The following PRAMEF11 variants were observed in gnomAD, a reference collection of about 807,000 sequenced individuals.
PRAMEF11 encodes the protein PRAME family member 11.
PRAMEF11 carries 17 observed loss-of-function variants against 33.6 expected under a neutral mutation model. The observed-to-expected ratio is 0.51, with a 90% CI of 0.35 to 0.76. The LOEUF (loss-of-function observed/expected upper bound fraction) is 0.76, where lower values mean the gene tolerates loss of function less well. PRAMEF11 is among the 30% of genes least tolerant of loss of function. PRAMEF11 has a pLI of 0.01. For synonymous variants in PRAMEF11, 205 were observed against 227.3 expected, an observed-to-expected ratio of 0.90 and a Z score of 0.88; for missense variants, 568 against 567.0, an observed-to-expected ratio of 1.00 and a Z score of -0.02.
intron 1 of PRAMEF11, among the ~76,000 whole-genome samples, chr1:12,830,483 G>C (rs146638913): frequency 1.3e-5 from 2 of 150,912 alleles, no homozygotes; most frequent in Non-Finnish European, 3.0e-5. Flanking sequence ...GATGTGATTG[G>C]TTTAAAATTA....
intron 3 of PRAMEF11, among the ~76,000 whole-genome samples, chr1:12,825,848 C>T (rs1341853805): frequency 2.7e-5 from 4 of 150,560 alleles, no homozygotes; most frequent in Admixed American, 1.3e-4. Context: ...GTGGCGGGAG[C>T]CTGCAATTCC....
intron 1 of PRAMEF11, among the ~76,000 whole-genome samples, chr1:12,829,744 C>G (rs1376058207): frequency 2.0e-5 from 3 of 150,960 alleles, no homozygotes; most frequent in African/African-American, 2.4e-5. Context: ...GCAGTGGTCT[C>G]CGCCTGTAGT....
chr1:12,828,442 G>C (rs1188241531), intron 2 of PRAMEF11, 55 bp downstream of exon 2: 20 of 1,550,168 alleles, frequency 1.3e-5, no homozygotes, highest in African/African-American at 2.8e-5. Context: ...TGACCCAGCT[G>C]TTCCTTCAGT....
chr1:12,827,096 C>T (rs1218671767), intron 3 of PRAMEF11, among the ~76,000 whole-genome samples, 153 bp downstream of exon 3: 1 of 151,440 alleles, frequency 6.6e-6, no homozygotes, highest in Non-Finnish European at 1.5e-5. Context: ...ATACCCATTT[C>T]AGGACAGGGC....
chr1:12,828,927 A>T lies in PRAMEF11; in HGVS notation c.-16-122T>A. The T allele has an allele frequency of 2.1e-6, 3 of 1,405,418 alleles. No homozygotes were observed. In the South Asian group the frequency reaches 3.9e-5, roughly 18 times the overall value. 87.1% of individuals were successfully genotyped at this position (1,405,418 alleles called of 1,614,324 possible). On this transcript the variant is annotated intron_variant, in intron 1 of 3. Coordinates refer to ENST00000619922, the MANE Select transcript of PRAMEF11 (RefSeq NM_001146344.3). Reference sequence around the variant, plus strand: ...GTGAAACAGCCCTCAGTTTACTCCAATTCTACTCTGTACTCAGTGGCCATT... The same window carrying T: ...GTGAAACAGCCCTCAGTTTACTCCATTTCTACTCTGTACTCAGTGGCCATT...
intron 1 of PRAMEF11, among the ~76,000 whole-genome samples, chr1:12,830,185 C>A (rs1374359448): frequency 6.6e-6 from 1 of 151,346 alleles, no homozygotes; most frequent in African/African-American, 2.4e-5. Context: ...TCAAATTTAT[C>A]AAAATATTTC....
At position 12,824,934 on chromosome 1, in the gene PRAMEF11, G is replaced by A; in HGVS notation, c.*8C>T. The A allele has an allele frequency of 2.5e-6, 4 of 1,608,504 alleles. No individual in the cohort carries two copies. Among genetic ancestry groups the A allele is most frequent in the Non-Finnish European group, 3.4e-6 (4 of 1,177,452 alleles). On this transcript the variant is annotated 3_prime_UTR_variant, in exon 4 of 4. Coordinates refer to ENST00000619922, the MANE Select transcript of PRAMEF11 (RefSeq NM_001146344.3). ...GCGTTTGACATACCCATCCAAATAG[G>A]CAGGCATTCAACAGCAGTATTGATC...
chr1:12,828,015 TC>T, intron 2 of PRAMEF11, among the ~76,000 whole-genome samples, 185 bp from the exon 3 acceptor site: 1 of 149,658 alleles, frequency 6.7e-6, no homozygotes, highest in East Asian at 2.0e-4. Context: ...AGACCAAGTC[TC>T]CTTCTGTCGC....
At chr1:12,830,830 A>T (rs1419073154) in intron 1 of PRAMEF11, among the ~76,000 whole-genome samples, 2 of 150,730 alleles carry the variant, frequency 1.3e-5, no homozygotes, top group East Asian at 3.9e-4. Flanking sequence ...CTCTACTAAA[A>T]ATACAAAAAT....
Position 12,824,846 on chromosome 1 carries a change from T to A in PRAMEF11, c.*96A>T. The A allele has an allele frequency of 6.5e-7, 1 of 1,536,154 alleles. No homozygotes were observed. The highest frequency in any genetic ancestry group is 1.2e-5 in the South Asian group (1 of 85,164). ...CAGAGCCCATGTGTGAAACGATGGG[T>A]TCTGTGCTCCCTTTAGGATGTACCT... On this transcript the variant is annotated 3_prime_UTR_variant, in exon 4 of 4. Coordinates refer to ENST00000619922, the MANE Select transcript of PRAMEF11 (RefSeq NM_001146344.3).
chr1:12,827,382 G>A lies in PRAMEF11; in HGVS notation c.742C>T (p.Arg248Cys), dbSNP rs781269027. ...KLVLSHMDVS[R>C]YVSPEQKKEI... Reference sequence around the variant, plus strand: ...TTCTTCTGCTCTGGGGAAACGTAGCGAGAGACATCCATGTGGGAGAGAACG... The same window carrying A: ...TTCTTCTGCTCTGGGGAAACGTAGCAAGAGACATCCATGTGGGAGAGAACG... Residue 248 changes from arginine (R) to cysteine (C), a missense_variant, in exon 3 of 4, where the codon CGC becomes TGC. Physicochemically the swap from Arg to Cys is radical, Grantham distance 180. Around this residue, in one of 3 missense-constraint regions of PRAMEF11, gnomAD observed 342 missense variants for 312.0 expected, o/e 1.10. Transcript: ENST00000619922. 5.7e-5 allele frequency: 91 copies of A among 1,603,442 alleles called. 1 individual carries two copies. Among genetic ancestry groups the A allele is most frequent in the East Asian group, 3.1e-4 (14 of 44,560 alleles).
Position 12,828,647 on chromosome 1 carries a change from C to G in PRAMEF11, c.143G>C (p.Arg48Thr). The G allele has an allele frequency of 2.5e-6, 4 of 1,610,462 alleles. 1 individual carries two copies. The South Asian group carries it at 3.3e-5, about 13-fold the overall frequency. Residue 48 changes from arginine to threonine, a missense_variant, in exon 2 of 4, where the codon AGG (arginine) becomes ACG (threonine). Arg to Thr is a moderately conservative substitution (Grantham distance 71, BLOSUM62 -1). Coordinates refer to ENST00000619922, the MANE Select transcript of PRAMEF11 (RefSeq NM_001146344.3). ...CAGCTTCAGGGCCTCACAGCGTCTCCTGCTGAAGGCCTCCATGAACAGTGG... is the reference window on the plus strand; with the variant it reads ...CAGCTTCAGGGCCTCACAGCGTCTCGTGCTGAAGGCCTCCATGAACAGTGG... ...FPPLFMEAFSRRRCEALKLMV... is the reference protein window; with the variant it reads ...FPPLFMEAFSTRRCEALKLMV...
chr1:12,826,641 A>C (rs543824714), intron 3 of PRAMEF11, among the ~76,000 whole-genome samples: 2 of 151,300 alleles, frequency 1.3e-5, no homozygotes, highest in African/African-American at 4.8e-5. Flanking sequence ...CCACGCCTGT[A>C]ATCCCAGGTA....
chr1:12,826,409 C>T (rs1639868639), intron 3 of PRAMEF11, among the ~76,000 whole-genome samples: 2 of 151,262 alleles, frequency 1.3e-5, no homozygotes, highest in African/African-American at 4.8e-5. Flanking sequence ...TGCAGGTTTG[C>T]TGAGCATTCC....
chr1:12,828,684 C>T lies in PRAMEF11; in HGVS notation c.106G>A (p.Glu36Lys). The change falls in exon 2 of 4, where the codon GAA becomes AAA. Residue 36 changes from glutamate to lysine, a missense_variant. Physicochemically the swap from Glu to Lys is moderately conservative, Grantham distance 56. This residue lies in a region of PRAMEF11 where 342 missense variants were observed against 312.0 expected (regional missense o/e 1.10). Transcript: ENST00000619922. ...AVSTLEELPT[E>K]LFPPLFMEAF... ...TCCATGAACAGTGGGGGGAAAAGTT[C>T]CGTGGGCAGCTCCTCCAGGGTGGAG... The T allele has an allele frequency of 6.2e-7, 1 of 1,610,544 alleles. No homozygotes were observed. Among genetic ancestry groups the T allele is most frequent in the Non-Finnish European group, 8.5e-7 (1 of 1,178,082 alleles).
intron 1 of PRAMEF11, among the ~76,000 whole-genome samples, chr1:12,829,104 G>A (rs1168665572): frequency 6.6e-6 from 1 of 151,170 alleles, no homozygotes; most frequent in East Asian, 2.0e-4. Flanking sequence ...CTACCATTGG[G>A]GGAAATTATT....
intron 2 of PRAMEF11, 130 bp from the exon 3 acceptor site, chr1:12,827,960 C>T: frequency 4.0e-6 from 6 of 1,503,070 alleles, no homozygotes; most frequent in Non-Finnish European, 5.4e-6. Context: ...ACCCTGTTTT[C>T]CCCTTGGATC....
rs750858163 is a variant in PRAMEF11, at chr1:12,828,662, A to C, written c.128T>G (p.Met43Arg). 35 of 1,610,500 alleles carry C rather than the reference A, an allele frequency of 2.2e-5. 1 individual carries two copies. Among genetic ancestry groups the C allele is most frequent in the Non-Finnish European group, 2.7e-5 (32 of 1,178,116 alleles). The change falls in exon 2 of 4, where the codon ATG becomes AGG. Residue 43 changes from methionine to arginine, a missense_variant. Met to Arg is a moderately conservative substitution (Grantham distance 91). Around this residue, in one of 3 missense-constraint regions of PRAMEF11, gnomAD observed 342 missense variants for 312.0 expected, o/e 1.10. Coordinates refer to ENST00000619922, the MANE Select transcript of PRAMEF11 (RefSeq NM_001146344.3). ...ACAGCGTCTCCTGCTGAAGGCCTCC[A>C]TGAACAGTGGGGGGAAAAGTTCCGT... ...LPTELFPPLFMEAFSRRRCEA... is the reference protein window; with the variant it reads ...LPTELFPPLFREAFSRRRCEA...
rs567166563 is a variant in PRAMEF11, at chr1:12,826,517, T to A, written c.875+732A>T. 4.6e-5 allele frequency among the ~76,000 whole-genome samples: 7 copies of A among 151,282 alleles called. No individual in the cohort carries two copies. In the East Asian group the frequency reaches 9.8e-4, roughly 21 times the overall value. ...TAGCTCTCGCCTATAATCCCAGCACTTTGGGAGTCCAAGGTGGGTGGATCA... is the reference window on the plus strand; with the variant it reads ...TAGCTCTCGCCTATAATCCCAGCACATTGGGAGTCCAAGGTGGGTGGATCA... On this transcript the variant is annotated intron_variant, in intron 3 of 3. Transcript: ENST00000619922.
Sources: gnomAD v4.1 joint callset for allele counts (sites outside exome capture counted in the v4.1 genomes callset) on GRCh38, gnomAD v4.1.1 for gene constraint, gnomAD v4.1.1 regional missense constraint, MANE v1.5 for transcripts, NCBI Gene and HGNC (gene_info 2026-07-23, HGNC 2026-07-21) for gene names.